The following SLC16A7 variants were observed in gnomAD, a reference collection of about 807,000 sequenced individuals.
The protein encoded by SLC16A7 is solute carrier family 16 member 7.
SLC16A7 carries 33 observed loss-of-function variants against 34.9 expected under a neutral mutation model. The ratio of observed to expected loss-of-function variants is 0.94; its 90% CI spans 0.72 to 1.26. The LOEUF (loss-of-function observed/expected upper bound fraction) is 1.26. SLC16A7 is among the 50% of genes most tolerant of loss of function. The probability of loss-of-function intolerance (pLI) is 0.00; values close to 1 mark genes in which losing one functional copy is unlikely to be tolerated. For synonymous variants in SLC16A7, 201 were observed against 206.6 expected (o/e 0.97, Z 0.23); for missense variants, 573 against 578.1 (o/e 0.99, Z 0.09).
Position 59,783,776 on chromosome 12 carries a change from C to G in SLC16A7, c.*4097C>G, listed in dbSNP as rs191228981. 1 of 152,086 alleles carries G rather than the reference C, an allele frequency of 6.6e-6. No individual in the cohort carries two copies. Among genetic ancestry groups the G allele is most frequent in the Non-Finnish European group, 1.5e-5 (1 of 68,142 alleles). 9.4% of individuals were successfully genotyped at this position (152,086 alleles called of 1,614,324 possible). A position where few individuals can be genotyped will look rare whatever the true frequency, so the allele number is the denominator to read the frequency against. On this transcript the variant is annotated 3_prime_UTR_variant, in exon 6 of 6. Transcript: ENST00000547379. ...AAGCAATTCTCCTGCCTCAGCCTCCCGAGTAACTGGAATTACAGGCATGTG... is the reference window on the plus strand; with the variant it reads ...AAGCAATTCTCCTGCCTCAGCCTCCGGAGTAACTGGAATTACAGGCATGTG...
At chr12:59,746,201 T>C (rs570839988) in intron 3 of SLC16A7, among the ~76,000 whole-genome samples, 368 of 152,320 alleles carry the variant, frequency 2.4e-3, no homozygotes, top group African/African-American at 8.1e-3. Flanking sequence ...GAAAACAGAC[T>C]TGTCAGTACT....
At chr12:59,608,778 A>G (rs1319655444) in intron 1 of SLC16A7, among the ~76,000 whole-genome samples, 8 of 152,134 alleles carry the variant, frequency 5.3e-5, no homozygotes, top group Admixed American at 5.2e-4. Context: ...TAATAACACA[A>G]ATTTGTTACT....
At chr12:59,709,764 C>A (rs1171913801) in intron 3 of SLC16A7, among the ~76,000 whole-genome samples, 1 of 151,552 alleles carries the variant, frequency 6.6e-6, no homozygotes, top group East Asian at 1.9e-4. Context: ...ATTACTAAAG[C>A]TTTCTATGAA....
chr12:59,722,093 A>G (rs1245776904), intron 3 of SLC16A7, among the ~76,000 whole-genome samples: 1 of 151,910 alleles, frequency 6.6e-6, no homozygotes, highest in East Asian at 1.9e-4. Context: ...AGACCTATAT[A>G]TAAACCCTCT....
chr12:59,602,284 G>T (rs546895998), intron 1 of SLC16A7, among the ~76,000 whole-genome samples: 1 of 152,104 alleles, frequency 6.6e-6, no homozygotes, highest in African/African-American at 2.4e-5. Context: ...TGACCTCCTA[G>T]CCTCCAAATT....
intron 2 of SLC16A7, among the ~76,000 whole-genome samples, chr12:59,704,199 C>CAAAAAAAAAAAAAAAAAAAA (rs34021022): frequency 7.8e-5 from 4 of 51,612 alleles, no homozygotes; most frequent in African/African-American, 1.2e-4. Context: ...GACTCTGTCT[C>CAAAAAAAAAAAAAAAAAAAA]AAAAAAAAAA....
At chr12:59,676,754 G>T (rs907206249) in intron 2 of SLC16A7, among the ~76,000 whole-genome samples, 3 of 152,034 alleles carry the variant, frequency 2.0e-5, no homozygotes, top group Admixed American at 2.0e-4. Context: ...TAGAGTATTT[G>T]TATCTACTAA....
intron 1 of SLC16A7, among the ~76,000 whole-genome samples, chr12:59,625,231 T>G (rs1234042114): frequency 1.3e-5 from 2 of 151,728 alleles, no homozygotes; most frequent in Admixed American, 1.3e-4. Context: ...GATAATGCAG[T>G]GCTGATTTTC....
At chr12:59,612,521 T>G (rs1411237422) in intron 1 of SLC16A7, among the ~76,000 whole-genome samples, 2 of 152,208 alleles carry the variant, frequency 1.3e-5, no homozygotes, top group African/African-American at 4.8e-5. Context: ...CCCCATTGTC[T>G]TGGTGATTAA....
At chr12:59,765,176 G>A (rs1318195389) in intron 3 of SLC16A7, among the ~76,000 whole-genome samples, 1 of 152,120 alleles carries the variant, frequency 6.6e-6, no homozygotes, top group Non-Finnish European at 1.5e-5. Flanking sequence ...TTTTGATGGG[G>A]TTGTTTGTTT....
intron 2 of SLC16A7, among the ~76,000 whole-genome samples, chr12:59,673,115 C>T (rs537779172): frequency 6.6e-6 from 1 of 152,196 alleles, no homozygotes; most frequent in African/African-American, 2.4e-5. Flanking sequence ...AAGTAACTTA[C>T]AAGGTTCTTA....
intron 2 of SLC16A7, among the ~76,000 whole-genome samples, chr12:59,659,203 T>G (rs1868697442): frequency 6.6e-6 from 1 of 151,954 alleles, no homozygotes; most frequent in Non-Finnish European, 1.5e-5. Context: ...AAAATGCATG[T>G]GCACGCACAC....
intron 3 of SLC16A7, among the ~76,000 whole-genome samples, chr12:59,747,267 C>A (rs1878995626): frequency 1.3e-5 from 2 of 152,070 alleles, no homozygotes; most frequent in Admixed American, 1.3e-4. Context: ...GAAAGTTTTA[C>A]AATTATTAGA....
chr12:59,647,555 A>G (rs2137013646), intron 1 of SLC16A7, among the ~76,000 whole-genome samples: 1 of 152,280 alleles, frequency 6.6e-6, no homozygotes, highest in African/African-American at 2.4e-5. Context: ...TTGAGAATGT[A>G]CTAATACACT....
At chr12:59,650,026 A>G (rs1235542924) in intron 1 of SLC16A7, among the ~76,000 whole-genome samples, 1 of 152,096 alleles carries the variant, frequency 6.6e-6, no homozygotes, top group Non-Finnish European at 1.5e-5. Flanking sequence ...TCACTTTTTC[A>G]AGGCATTGCA....
chr12:59,756,856 G>A (rs61933835), intron 3 of SLC16A7, among the ~76,000 whole-genome samples: 3 of 122,958 alleles, frequency 2.4e-5, no homozygotes, highest in Admixed American at 8.1e-5. Flanking sequence ...GGAACCAACC[G>A]AAATGTCCAA....
chr12:59,697,230 G>T lies in SLC16A7; in HGVS notation c.-30-7542G>T, dbSNP rs78358307. On this transcript the variant is annotated intron_variant, in intron 2 of 5. Transcript: ENST00000547379. ...TGATATTCCTTCAGGCCAGAATGTAGAGAAATGTGAAACAGTTGATTATCT... is the reference window on the plus strand; with the variant it reads ...TGATATTCCTTCAGGCCAGAATGTATAGAAATGTGAAACAGTTGATTATCT... Among the ~76,000 whole-genome samples, 635 of 152,110 alleles carry T rather than the reference G, an allele frequency of 4.2e-3. 2 individuals are homozygous for T. The highest frequency in any genetic ancestry group is 6.1e-3 in the Non-Finnish European group (416 of 67,910).
chr12:59,702,581 T>C (rs1321179866), intron 2 of SLC16A7, among the ~76,000 whole-genome samples: 2 of 152,102 alleles, frequency 1.3e-5, no homozygotes, highest in East Asian at 1.9e-4. Flanking sequence ...ATTATGTGCA[T>C]TAATTGTTTG....
intron 1 of SLC16A7, among the ~76,000 whole-genome samples, chr12:59,631,693 C>A (rs1013280327): frequency 6.6e-6 from 1 of 151,966 alleles, no homozygotes; most frequent in East Asian, 1.9e-4. Context: ...CTTTCCCACC[C>A]TGGCCCCAGT....
Sources: gnomAD v4.1 joint callset for allele counts (sites outside exome capture counted in the v4.1 genomes callset) on GRCh38, gnomAD v4.1.1 for gene constraint, MANE v1.5 for transcripts, NCBI Gene and HGNC (gene_info 2026-07-23, HGNC 2026-07-21) for gene names.